The following MARCHF8 variants were observed in gnomAD, a reference collection of about 807,000 sequenced individuals.
The protein encoded by MARCHF8 is membrane associated ring-CH-type finger 8.
A neutral mutation model predicts 51.6 loss-of-function variants in MARCHF8; 40 were observed. The ratio of observed to expected loss-of-function variants is 0.77; its 90% CI spans 0.60 to 1.01. The LOEUF (loss-of-function observed/expected upper bound fraction) is 1.01, where lower values mean the gene tolerates loss of function less well. Ranked by LOEUF, MARCHF8 falls within the 50% of genes least tolerant of loss-of-function variation. The probability of loss-of-function intolerance (pLI) is 0.00; values close to 1 mark genes in which losing one functional copy is unlikely to be tolerated. For synonymous variants in MARCHF8, 263 were observed against 280.3 expected, an observed-to-expected ratio of 0.94 and a Z score of 0.62; for missense variants, 685 against 708.6, an observed-to-expected ratio of 0.97 and a Z score of 0.38.
intron 1 of MARCHF8, among the ~76,000 whole-genome samples, chr10:45,561,900 C>CAAAAA (rs34329041): frequency 1.7e-4 from 7 of 41,448 alleles, no homozygotes; most frequent in South Asian, 8.7e-4. Context: ...GACTCCGTCT[C>CAAAAA]AAAAAAAAAA....
chr10:45,501,626 A>C (rs942966937), intron 2 of MARCHF8, among the ~76,000 whole-genome samples: 23 of 152,164 alleles, frequency 1.5e-4, no homozygotes, highest in African/African-American at 5.5e-4. Context: ...GGATCCATTT[A>C]AGAAACTGAT....
At chr10:45,460,102 A>G (rs754408159) in intron 6 of MARCHF8, among the ~76,000 whole-genome samples, 7 of 152,186 alleles carry the variant, frequency 4.6e-5, no homozygotes, top group Non-Finnish European at 7.4e-5. Context: ...TTTTTTAAGC[A>G]GTTTGCACAA....
chr10:45,543,671 G>A (rs1271192434), intron 1 of MARCHF8, among the ~76,000 whole-genome samples: 1 of 151,820 alleles, frequency 6.6e-6, no homozygotes, highest in Non-Finnish European at 1.5e-5. Context: ...GGTGGCGGGC[G>A]CCTGTAGTCT....
rs932463026 is a variant in MARCHF8 at position 45,576,338 on chromosome 10, A to G, written c.-79+17897T>C. ...ATGATGAACTTCAACCCCATCTCAC[A>G]CCATGAATAAAAAATAATTTGAGAT... On this transcript the variant is annotated intron_variant, in intron 1 of 6. Coordinates refer to the MARCHF8 transcript ENST00000319836. Among the ~76,000 whole-genome samples the G allele has an allele frequency of 2.0e-5, 3 of 152,320 alleles. No individual in the cohort carries two copies. In the South Asian group the frequency reaches 6.2e-4, roughly 32 times the overall value.
At chr10:45,505,561 C>T (rs2133165315) in intron 2 of MARCHF8, among the ~76,000 whole-genome samples, 1 of 152,254 alleles carries the variant, frequency 6.6e-6, no homozygotes, top group Non-Finnish European at 1.5e-5. Context: ...CTACTTTTTC[C>T]CACAGTGACT....
At chr10:45,540,992 AT>A (rs2044044059) in intron 1 of MARCHF8, among the ~76,000 whole-genome samples, 1 of 152,246 alleles carries the variant, frequency 6.6e-6, no homozygotes, top group Admixed American at 6.5e-5. Context: ...TAGTTCAACC[AT>A]TGTGGAAGTC....
At position 45,533,099 on chromosome 10, in the gene MARCHF8, T is replaced by C. The variant is rs1252313835; in HGVS notation, c.102+11A>G. On this transcript the variant is annotated intron_variant, in intron 2 of 7. Transcript: ENST00000453424. Reference sequence around the variant, plus strand: ...AAAATAATGAAACTAAAAAAGATACTCTCCCAGTACCTGTTCTTCCCTCTC... The same window carrying C: ...AAAATAATGAAACTAAAAAAGATACCCTCCCAGTACCTGTTCTTCCCTCTC... 1.3e-6 allele frequency: 2 copies of C among 1,576,840 alleles called. No individual in the cohort carries two copies. Among genetic ancestry groups the C allele is most frequent in the Non-Finnish European group, 1.7e-6 (2 of 1,167,638 alleles).
chr10:45,563,540 C>T lies in MARCHF8; in HGVS notation c.-78-30251G>A, dbSNP rs539605541. Among the ~76,000 whole-genome samples the T allele has an allele frequency of 3.3e-5, 5 of 152,188 alleles. 1 individual carries two copies. The highest frequency in any genetic ancestry group is 2.6e-4 in the Admixed American group (4 of 15,284). On this transcript the variant is annotated intron_variant, in intron 1 of 6. Transcript: ENST00000319836. Reference sequence around the variant, plus strand: ...ATCTCAAGAATAAACCACAAAAATACTTCCAAACCAATTCAGAGGAAAAAT... The same window carrying T: ...ATCTCAAGAATAAACCACAAAAATATTTCCAAACCAATTCAGAGGAAAAAT...
At chr10:45,460,491 T>C (rs1842752463) in intron 6 of MARCHF8, among the ~76,000 whole-genome samples, 1 of 152,236 alleles carries the variant, frequency 6.6e-6, no homozygotes, top group South Asian at 2.1e-4. Context: ...TTTAATTGGC[T>C]AGTATTTGAT....
intron 2 of MARCHF8, among the ~76,000 whole-genome samples, chr10:45,490,915 T>C (rs1383268067): frequency 2.6e-5 from 4 of 152,110 alleles, no homozygotes; most frequent in African/African-American, 9.7e-5. Context: ...ATACTTTTTG[T>C]GGAGACAGGG....
intron 2 of MARCHF8, among the ~76,000 whole-genome samples, chr10:45,508,671 C>G (rs1178121970): frequency 6.6e-6 from 1 of 152,136 alleles, no homozygotes; most frequent in African/African-American, 2.4e-5. Flanking sequence ...GATCTTTTCA[C>G]TTGATATTCT....
rs768704545 is a variant in MARCHF8, at chr10:45,463,936, C to T, written c.303G>A (p.Ser101=). The change falls in exon 5 of 8, where the codon TCG becomes TCA. Residue 101 remains serine, a synonymous_variant. Coordinates refer to ENST00000453424, the MANE Select transcript of MARCHF8 (RefSeq NM_001282866.2). ...HHSSVQSAVV[S]KAPHCQSSLT... is the part of the protein sequence containing the mutation. ...GAGAACTCTGGCAGTGAGGAGCTTT[C>T]GAGACAACAGCAGACTGCACGGAAC... The T allele has an allele frequency of 1.6e-5, 25 of 1,536,018 alleles. No homozygotes were observed. The highest frequency in any genetic ancestry group is 5.9e-5 in the South Asian group (5 of 84,058).
At position 45,486,337 on chromosome 10, in the gene MARCHF8, G is replaced by A. The variant is rs372030236; in HGVS notation, c.153+3030C>T. 3.9e-5 allele frequency among the ~76,000 whole-genome samples: 6 copies of A among 152,260 alleles called. No individual in the cohort carries two copies. In the South Asian group the frequency reaches 6.2e-4, roughly 16 times the overall value. ...TCCTAGCACTTTGGGAGGCCAAGGC[G>A]GGTGGATCAGGAGGTCAGGAGTTTG... On this transcript the variant is annotated intron_variant, in intron 3 of 7. Coordinates refer to ENST00000453424, the MANE Select transcript of MARCHF8 (RefSeq NM_001282866.2).
intron 1 of MARCHF8, among the ~76,000 whole-genome samples, chr10:45,552,828 A>G (rs1234375914): frequency 6.6e-6 from 1 of 152,184 alleles, no homozygotes; most frequent in Non-Finnish European, 1.5e-5. Context: ...TCAAAAACCT[A>G]TTGTTTCATC....
intron 6 of MARCHF8, among the ~76,000 whole-genome samples, chr10:45,460,744 C>T (rs1405775078): frequency 6.6e-6 from 1 of 152,254 alleles, no homozygotes; most frequent in Admixed American, 6.5e-5. Flanking sequence ...CATCACGCAA[C>T]GTTTGTGCTT....
At chr10:45,523,210 T>C (rs931039408) in intron 2 of MARCHF8, among the ~76,000 whole-genome samples, 20 of 152,312 alleles carry the variant, frequency 1.3e-4, no homozygotes, top group African/African-American at 4.6e-4. Context: ...GTAGTATTAT[T>C]TACTGCAATC....
chr10:45,593,074 T>G (rs866954088), intron 1 of MARCHF8, among the ~76,000 whole-genome samples: 1 of 150,610 alleles, frequency 6.6e-6, no homozygotes, highest in Non-Finnish European at 1.5e-5. Flanking sequence ...ACTGACTTGC[T>G]TAAGCTTAAG....
upstream of MARCHF8, among the ~76,000 whole-genome samples, chr10:45,537,762 G>C (rs1277352945): frequency 6.6e-6 from 1 of 152,046 alleles, no homozygotes; most frequent in East Asian, 1.9e-4. Context: ...TAAATCTATA[G>C]AGACAGAAAG....
chr10:45,563,008 T>TCC (rs1232246813), intron 1 of MARCHF8, among the ~76,000 whole-genome samples: 1 of 151,056 alleles, frequency 6.6e-6, no homozygotes, highest in African/African-American at 2.4e-5. Flanking sequence ...ACAGTCTCTC[T>TCC]CCCTCCCTCC....
Sources: gnomAD v4.1 joint callset for allele counts (sites outside exome capture counted in the v4.1 genomes callset) on GRCh38, gnomAD v4.1.1 for gene constraint, MANE v1.5 for transcripts, NCBI Gene and HGNC (gene_info 2026-07-23, HGNC 2026-07-21) for gene names.